The following ADAMTS6 variants were observed in gnomAD, a reference collection of about 807,000 sequenced individuals.
ADAMTS6 encodes the protein A disintegrin and metalloproteinase with thrombospondin motifs 6.
ADAMTS6 carries 23 observed loss-of-function variants against 144.3 expected under a neutral mutation model. The ratio of observed to expected loss-of-function variants is 0.16; its 90% confidence interval spans 0.11 to 0.23. The LOEUF is 0.23. ADAMTS6 is among the 10% of genes least tolerant of loss of function. ADAMTS6 has a pLI of 1.00. For missense variants in ADAMTS6, 999 were observed against 1,379.6 expected, an observed-to-expected ratio of 0.72 and a Z score of 4.37; for synonymous variants, 444 against 457.5, an observed-to-expected ratio of 0.97 and a Z score of 0.38.
chr5:65,277,797 TAA>T (rs770995067), intron 11 of ADAMTS6, among the ~76,000 whole-genome samples: 1 of 152,192 alleles, frequency 6.6e-6, no homozygotes, highest in African/African-American at 2.4e-5. Context: ...TACAAAAGTC[TAA>T]AAGTTTCTGA....
At chr5:65,197,328 G>C (rs1327290689) in intron 20 of ADAMTS6, among the ~76,000 whole-genome samples, 177 bp from the exon 21 acceptor site, 1 of 152,114 alleles carries the variant, frequency 6.6e-6, no homozygotes, top group Non-Finnish European at 1.5e-5. Context: ...TGAAATTTTA[G>C]GCAAAGTTAT....
rs1395525197 is a variant in ADAMTS6, at chr5:65,435,065, C to G, written c.1073+16410G>C. ...ACCTATGTCCATCAGATAGATAAAT[C>G]TTGAAAGTAAAGATGAATTTAAAAA... On this transcript the variant is annotated intron_variant, in intron 7 of 24. Transcript: ENST00000381055. Among the ~76,000 whole-genome samples, 3 of 152,008 alleles carry G rather than the reference C, an allele frequency of 2.0e-5. No homozygotes were observed. The East Asian group carries it at 5.8e-4, about 29-fold the overall frequency.
Position 65,223,328 on chromosome 5 carries a change from C to A in ADAMTS6, c.2272+992G>T, listed in dbSNP as rs77375531. On this transcript the variant is annotated intron_variant, in intron 18 of 24. Transcript: ENST00000381055. ...CATATCCATAACTTCCTACAGTTGC[C>A]TTTTTTGTATGTGGTGACAATAAGA... 4.9e-4 allele frequency among the ~76,000 whole-genome samples: 74 copies of A among 152,196 alleles called. 1 individual carries two copies. In the East Asian group the frequency reaches 0.014, roughly 29 times the overall value.
chr5:65,415,737 C>A, intron 7 of ADAMTS6: 1 of 231,658 alleles, frequency 4.3e-6, no homozygotes, highest in Non-Finnish European at 8.7e-6. Flanking sequence ...CCACTGGGGA[C>A]TATAATGGCC....
At chr5:65,274,806 TC>T (rs1048780044) in intron 11 of ADAMTS6, among the ~76,000 whole-genome samples, 41 of 152,200 alleles carry the variant, frequency 2.7e-4, no homozygotes, top group Middle Eastern at 3.4e-3. Flanking sequence ...TGCCTCAGCC[TC>T]CCAAGTAGCT....
At chr5:65,167,332 GGAA>G (rs1753237639) in intron 24 of ADAMTS6, among the ~76,000 whole-genome samples, 1 of 152,148 alleles carries the variant, frequency 6.6e-6, no homozygotes, top group Non-Finnish European at 1.5e-5. Context: ...GACTAAACCA[GGAA>G]GAAGTTGAAT....
chr5:65,210,801 A>G, intron 20 of ADAMTS6: 1 of 567,338 alleles, frequency 1.8e-6, no homozygotes, highest in Non-Finnish European at 3.3e-6. Flanking sequence ...CTCAACACAT[A>G]AAGAACAGTG....
At chr5:65,179,648 CT>C (rs1754212829) in intron 22 of ADAMTS6, among the ~76,000 whole-genome samples, 1 of 151,382 alleles carries the variant, frequency 6.6e-6, no homozygotes, top group Non-Finnish European at 1.5e-5. Flanking sequence ...ATTTAGGCTA[CT>C]TGGATAAAAA....
chr5:65,440,786 G>C (rs1265080373), intron 7 of ADAMTS6, among the ~76,000 whole-genome samples: 1 of 152,144 alleles, frequency 6.6e-6, no homozygotes, highest in East Asian at 1.9e-4. Context: ...AGAGTACCCA[G>C]AAGGGACTTG....
At chr5:65,336,636 A>G (rs530560902) in intron 7 of ADAMTS6, among the ~76,000 whole-genome samples, 183 of 152,254 alleles carry the variant, frequency 1.2e-3, no homozygotes, top group African/African-American at 3.9e-3. Context: ...CTCTTCATGC[A>G]AAGTATTGTC....
Position 65,151,587 on chromosome 5 carries a change from T to C in ADAMTS6, c.*249A>G, listed in dbSNP as rs989871585. ...ACGCTCCACAGTAAGCAAGTCTCCC[T>C]GTGTTGTTTGGATCTCTCCAATCTG... On this transcript the variant is annotated 3_prime_UTR_variant, in exon 25 of 25. Coordinates refer to ENST00000381055, the MANE Select transcript of ADAMTS6 (RefSeq NM_197941.4). The C allele has an allele frequency of 2.3e-6, 1 of 425,822 alleles. No individual in the cohort carries two copies. The highest frequency in any genetic ancestry group is 4.2e-6 in the Non-Finnish European group (1 of 236,988). 26.4% of individuals were successfully genotyped at this position (425,822 alleles called of 1,614,324 possible).
chr5:65,362,437 T>A (rs1238275094), intron 7 of ADAMTS6, among the ~76,000 whole-genome samples: 5 of 152,218 alleles, frequency 3.3e-5, no homozygotes, highest in Non-Finnish European at 4.4e-5. Flanking sequence ...TCATTTCATG[T>A]TGTCGTTTTG....
At chr5:65,154,139 C>T (rs1220835028) in intron 24 of ADAMTS6, among the ~76,000 whole-genome samples, 4 of 152,150 alleles carry the variant, frequency 2.6e-5, no homozygotes, top group East Asian at 3.9e-4. Flanking sequence ...ACCCGGGAGG[C>T]GGAGGTTGCA....
intron 7 of ADAMTS6, among the ~76,000 whole-genome samples, chr5:65,383,080 T>C (rs188785753): frequency 5.6e-4 from 85 of 152,314 alleles, no homozygotes; most frequent in South Asian, 4.8e-3. Context: ...CCTAGTCACC[T>C]CCTGAAGGCT....
chr5:65,231,932 A>C (rs2112441875), intron 15 of ADAMTS6, among the ~76,000 whole-genome samples: 1 of 152,226 alleles, frequency 6.6e-6, no homozygotes, highest in South Asian at 2.1e-4. Context: ...CAACATGTTG[A>C]AACCTAGTCT....
intron 7 of ADAMTS6, among the ~76,000 whole-genome samples, chr5:65,401,361 C>T (rs572953110): frequency 4.5e-4 from 68 of 152,282 alleles, no homozygotes; most frequent in African/African-American, 1.6e-3. Context: ...TCAAACCCCA[C>T]AGATTAGGCT....
intron 7 of ADAMTS6, among the ~76,000 whole-genome samples, chr5:65,449,909 T>C (rs1271678009): frequency 6.6e-6 from 1 of 152,200 alleles, no homozygotes; most frequent in Non-Finnish European, 1.5e-5. Context: ...AATGGAGATA[T>C]AATAATGCAA....
At chr5:65,367,540 T>G (rs1305748042) in intron 7 of ADAMTS6, among the ~76,000 whole-genome samples, 2 of 152,200 alleles carry the variant, frequency 1.3e-5, no homozygotes, top group African/African-American at 4.8e-5. Context: ...ACAGATTACC[T>G]TGCCCAGGAT....
intron 7 of ADAMTS6, among the ~76,000 whole-genome samples, chr5:65,413,669 A>G (rs1193391461): frequency 6.6e-6 from 1 of 152,092 alleles, no homozygotes; most frequent in Non-Finnish European, 1.5e-5. Flanking sequence ...TTTTACAATA[A>G]AAATATATAT....
Sources: allele counts gnomAD v4.1 joint callset (sites outside exome capture counted in the v4.1 genomes callset), GRCh38; gene constraint gnomAD v4.1.1; transcripts MANE v1.5; gene names NCBI Gene and HGNC (gene_info 2026-07-23, HGNC 2026-07-21).